The following SHROOM3 variants were observed in gnomAD, a reference collection of about 807,000 sequenced individuals.
The protein encoded by SHROOM3 is protein Shroom3.
SHROOM3 carries 47 observed loss-of-function variants against 138.6 expected under a neutral mutation model. The observed-to-expected ratio is 0.34, with a 90% CI of 0.27 to 0.43. SHROOM3 has a LOEUF of 0.43. Ranked by LOEUF, SHROOM3 falls within the 20% of genes least tolerant of loss-of-function variation. The pLI is 1.00. For missense variants in SHROOM3, 2,491 were observed against 2,596.5 expected (o/e 0.96, Z 0.88); for synonymous variants, 1,062 against 1,063.3 (o/e 1.00, Z 0.02).
At chr4:76,644,042 C>T (rs1327555141) in intron 2 of SHROOM3, among the ~76,000 whole-genome samples, 13 of 151,952 alleles carry the variant, frequency 8.6e-5, no homozygotes, top group Admixed American at 8.5e-4. Context: ...CAGGGTTTCA[C>T]CATGTTGGTC....
At chr4:76,668,566 T>C (rs1219547308) in intron 2 of SHROOM3, among the ~76,000 whole-genome samples, 1 of 151,356 alleles carries the variant, frequency 6.6e-6, no homozygotes, top group African/African-American at 2.4e-5. Context: ...ACAGCAAAAC[T>C]CCGCCTCAAA....
chr4:76,599,800 G>C (rs1734466222), intron 2 of SHROOM3, among the ~76,000 whole-genome samples: 1 of 152,148 alleles, frequency 6.6e-6, no homozygotes, highest in South Asian at 2.1e-4. Flanking sequence ...AGGACCTGCA[G>C]GCCACATGCT....
At chr4:76,487,018 G>T (rs115659380) in intron 1 of SHROOM3, among the ~76,000 whole-genome samples, 293 of 151,996 alleles carry the variant, frequency 1.9e-3, no homozygotes, top group African/African-American at 6.9e-3. Context: ...CTATCACCAC[G>T]ATCAATTTTG....
intron 1 of SHROOM3, among the ~76,000 whole-genome samples, chr4:76,474,910 G>C (rs1731452183): frequency 6.6e-6 from 1 of 151,812 alleles, no homozygotes; most frequent in Admixed American, 6.6e-5. Context: ...CTGGGTGACA[G>C]AGTGAGACTC....
chr4:76,628,337 TA>T (rs1192806313), intron 2 of SHROOM3, among the ~76,000 whole-genome samples: 2 of 152,188 alleles, frequency 1.3e-5, no homozygotes, highest in Non-Finnish European at 2.9e-5. Context: ...GAAATAGCCT[TA>T]AATTCAAAGA....
chr4:76,518,258 G>A (rs1732485112), intron 1 of SHROOM3, among the ~76,000 whole-genome samples: 1 of 151,878 alleles, frequency 6.6e-6, no homozygotes, highest in South Asian at 2.1e-4. Context: ...AATTCTTTAG[G>A]CATTTAACCC....
At chr4:76,777,418 A>C (rs1388102801) in intron 10 of SHROOM3, among the ~76,000 whole-genome samples, 1 of 152,224 alleles carries the variant, frequency 6.6e-6, no homozygotes, top group Non-Finnish European at 1.5e-5. Flanking sequence ...GGTGTATAGC[A>C]GTGCTACTTA....
At chr4:76,534,842 G>C (rs1732916645) in intron 1 of SHROOM3, among the ~76,000 whole-genome samples, 1 of 152,120 alleles carries the variant, frequency 6.6e-6, no homozygotes, top group African/African-American at 2.4e-5. Flanking sequence ...ACTTCAAAAA[G>C]GAGAAATTGG....
intron 1 of SHROOM3, among the ~76,000 whole-genome samples, chr4:76,531,166 G>A (rs774433140): frequency 6.6e-6 from 1 of 152,096 alleles, no homozygotes; most frequent in Non-Finnish European, 1.5e-5. Context: ...AACCCTAAAA[G>A]CACTGAACAT....
At chr4:76,745,323 A>C (rs1338745986) in intron 5 of SHROOM3, among the ~76,000 whole-genome samples, 2 of 152,324 alleles carry the variant, frequency 1.3e-5, no homozygotes, top group East Asian at 3.9e-4. Flanking sequence ...ATAAAGAGAA[A>C]CCCTTGGAGA....
intron 10 of SHROOM3, 110 bp downstream of exon 10, chr4:76,771,008 T>G (rs1460196138): frequency 2.1e-6 from 3 of 1,403,048 alleles, no homozygotes. Context: ...GGCAATCTCT[T>G]TGGGGCAGGG....
Position 76,739,228 on chromosome 4 carries a change from G to A in SHROOM3, c.1055G>A (p.Arg352Gln), listed in dbSNP as rs146652221. 1,502 of 1,613,972 alleles carry A rather than the reference G, an allele frequency of 9.3e-4. 1 individual carries two copies. The highest frequency in any genetic ancestry group is 1.1e-3 in the Non-Finnish European group (1,258 of 1,180,034). The change falls in exon 5 of 11, where the codon CGG (arginine) becomes CAG (glutamine). Residue 352 changes from arginine (R) to glutamine (Q), a missense_variant. Coordinates refer to ENST00000296043, the MANE Select transcript of SHROOM3 (RefSeq NM_020859.4). ...TATGATAAATGGTCTAATATTCCTC[G>A]GGGCAAGGGAGTGCCACCCCCATCC... Reference protein sequence around the residue: ...QGYDKWSNIPRGKGVPPPSWS... With the variant: ...QGYDKWSNIPQGKGVPPPSWS...
intron 2 of SHROOM3, among the ~76,000 whole-genome samples, chr4:76,626,272 G>C (rs1436236240): frequency 1.1e-4 from 16 of 152,122 alleles, no homozygotes; most frequent in Non-Finnish European, 2.1e-4. Context: ...TCTCTAGGTG[G>C]AGATAGTTTT....
intron 3 of SHROOM3, among the ~76,000 whole-genome samples, chr4:76,711,593 T>C (rs1053944387): frequency 1.3e-5 from 2 of 152,064 alleles, no homozygotes; most frequent in Admixed American, 6.6e-5. Context: ...CTCTGGAGGC[T>C]GAGGTGGGAG....
intron 2 of SHROOM3, among the ~76,000 whole-genome samples, chr4:76,642,573 G>A (rs1398234864): frequency 2.0e-5 from 3 of 152,210 alleles, no homozygotes; most frequent in Non-Finnish European, 1.5e-5. Context: ...ATGGACCATA[G>A]TGGCAGGATG....
At chr4:76,553,737 T>G (rs1733418330) in intron 1 of SHROOM3, among the ~76,000 whole-genome samples, 1 of 152,176 alleles carries the variant, frequency 6.6e-6, no homozygotes. Flanking sequence ...GCAATCCAAA[T>G]CCACCTGCCT....
rs368032195 is a variant in SHROOM3 at position 76,778,792 on chromosome 4, C to G, written c.5623-17C>G. The G allele has an allele frequency of 1.1e-4, 171 of 1,611,962 alleles. No individual in the cohort carries two copies. The highest frequency in any genetic ancestry group is 1.3e-4 in the Non-Finnish European group (154 of 1,180,010). ...CTTTCCCTGGCCTTCATTGATCTGT[C>G]CAATTTTCCCTGGCAGAGCTCTCTT... is the stretch of plus-strand genomic sequence containing the variant. On this transcript the variant is annotated splice_polypyrimidine_tract_variant and intron_variant, in intron 10 of 10. Coordinates refer to ENST00000296043, the MANE Select transcript of SHROOM3 (RefSeq NM_020859.4).
chr4:76,624,237 C>T lies in SHROOM3; in HGVS notation c.323+68474C>T, dbSNP rs186596083. 2.8e-3 allele frequency among the ~76,000 whole-genome samples: 428 copies of T among 152,208 alleles called. 2 individuals are homozygous for T. The highest frequency in any genetic ancestry group is 4.8e-3 in the Non-Finnish European group (329 of 68,012). Reference sequence around the variant, plus strand: ...AGTATTCCGACATTTCAGCGTGCTGCACTCCTGTCCTTCCGTCGTCTGGGG... The same window carrying T: ...AGTATTCCGACATTTCAGCGTGCTGTACTCCTGTCCTTCCGTCGTCTGGGG... On this transcript the variant is annotated intron_variant, in intron 2 of 10. Transcript: ENST00000296043.
intron 1 of SHROOM3, among the ~76,000 whole-genome samples, chr4:76,442,404 GTTTTTTTT>G (rs59712445): frequency 8.9e-6 from 1 of 112,354 alleles, no homozygotes. Flanking sequence ...GCCCTTTATA[GTTTTTTTT>G]TTTTTTTTTT....
Sources: allele counts gnomAD v4.1 joint callset (sites outside exome capture counted in the v4.1 genomes callset), GRCh38; gene constraint gnomAD v4.1.1; transcripts MANE v1.5; gene names NCBI Gene and HGNC (gene_info 2026-07-23, HGNC 2026-07-21).